Variants in ZFAT observed in about 807,000 individuals in gnomAD.
ZFAT encodes the protein zinc finger and AT-hook domain containing.
A neutral mutation model predicts 117.7 loss-of-function variants in ZFAT; 64 were observed. The ratio of observed to expected loss-of-function variants is 0.54; its 90% CI spans 0.44 to 0.67. The LOEUF (loss-of-function observed/expected upper bound fraction) is 0.67, where lower values mean the gene tolerates loss of function less well. Ranked by LOEUF, ZFAT falls within the 30% of genes least tolerant of loss-of-function variation. The pLI is 0.00. For missense variants in ZFAT, 1,433 were observed against 1,584.5 expected, an observed-to-expected ratio of 0.90 and a Z score of 1.62; for synonymous variants, 679 against 615.0, an observed-to-expected ratio of 1.10 and a Z score of -1.54.
At chr8:134,674,214 C>T (rs946262694) in intron 1 of ZFAT, among the ~76,000 whole-genome samples, 6 of 152,134 alleles carry the variant, frequency 3.9e-5, no homozygotes, top group African/African-American at 9.7e-5. Flanking sequence ...GAGGCTGTAC[C>T]GGGAGGAATG....
chr8:134,593,198 A>T (rs1826659416), intron 7 of ZFAT, among the ~76,000 whole-genome samples: 1 of 152,158 alleles, frequency 6.6e-6, no homozygotes, highest in African/African-American at 2.4e-5. Flanking sequence ...GCAGGAGTTT[A>T]CGGTGATCTC....
rs755355100 is a variant in ZFAT, at chr8:134,657,745, GA to G, written c.20-9del. The stretch of plus-strand genomic sequence containing the variant: ...TAAAGATGGCCGTGTTTTCTGTAAG[GA>G]AAAAAAAGGAAAATATGTTATTTCA... On this transcript the variant is annotated splice_polypyrimidine_tract_variant and intron_variant, in intron 1 of 15. Coordinates refer to ENST00000377838, the MANE Select transcript of ZFAT (RefSeq NM_020863.4). 5.6e-6 allele frequency: 9 copies of G among 1,595,048 alleles called. No homozygotes were observed. Among genetic ancestry groups the G allele is most frequent in the Admixed American group, 3.6e-5 (2 of 55,310 alleles).
chr8:134,648,633 A>T (rs568492531), intron 2 of ZFAT, among the ~76,000 whole-genome samples: 2 of 152,286 alleles, frequency 1.3e-5, no homozygotes, highest in South Asian at 4.1e-4. Context: ...GCATACACCT[A>T]TAACAAGAGA....
At chr8:134,578,916 A>G (rs1027464519) in intron 10 of ZFAT, among the ~76,000 whole-genome samples, 10 of 152,220 alleles carry the variant, frequency 6.6e-5, no homozygotes, top group African/African-American at 2.4e-4. Context: ...TTGGCAGCCT[A>G]TGCCCAAGCA....
At chr8:134,599,702 A>C (rs1036819) in intron 7 of ZFAT, 53,138 of 439,292 alleles carry the variant, frequency 0.12, 3,972 homozygotes, top group East Asian at 0.38. Flanking sequence ...GTAGCATAAA[A>C]AGGCATTCAA....
At chr8:134,812,477 TC>T in the ZFAT span, among the ~76,000 whole-genome samples, 3 of 152,208 alleles carry the variant, frequency 2.0e-5, no homozygotes, top group African/African-American at 7.2e-5. Flanking sequence ...ATGCCTGTAA[TC>T]CCAGCACTTT....
At chr8:134,589,586 G>A (rs375101382) in intron 8 of ZFAT, among the ~76,000 whole-genome samples, 4 of 152,336 alleles carry the variant, frequency 2.6e-5, no homozygotes, top group African/African-American at 9.6e-5. Context: ...GACTCAGGGA[G>A]CCCATGGGAG....
At chr8:134,709,203 G>A (rs1813895762) in intron 1 of ZFAT, among the ~76,000 whole-genome samples, 1 of 152,226 alleles carries the variant, frequency 6.6e-6, no homozygotes, top group Non-Finnish European at 1.5e-5. Flanking sequence ...AGGGTGGCCT[G>A]AGCCTGGGAG....
chr8:134,495,623 A>T (rs1818379380), intron 15 of ZFAT, among the ~76,000 whole-genome samples: 1 of 152,180 alleles, frequency 6.6e-6, no homozygotes, highest in Admixed American at 6.5e-5. Flanking sequence ...CCAAGCAATA[A>T]GCTCTGCCAT....
At chr8:134,816,762 C>A in the ZFAT span, among the ~76,000 whole-genome samples, 2 of 152,074 alleles carry the variant, frequency 1.3e-5, no homozygotes, top group Non-Finnish European at 2.9e-5. Flanking sequence ...GTGGGTGGAT[C>A]AGGAGGTCAG....
chr8:134,525,733 C>A (rs1430707788), intron 12 of ZFAT, among the ~76,000 whole-genome samples: 1 of 152,218 alleles, frequency 6.6e-6, no homozygotes, highest in Non-Finnish European at 1.5e-5. Context: ...TTCCTGGCCC[C>A]AACCCTGGTG....
intron 1 of ZFAT, among the ~76,000 whole-genome samples, chr8:134,678,675 C>G (rs1178079082): frequency 1.3e-5 from 2 of 152,134 alleles, no homozygotes; most frequent in Non-Finnish European, 2.9e-5. Flanking sequence ...AAATCACTAC[C>G]TGATTTCAAA....
intron 1 of ZFAT, among the ~76,000 whole-genome samples, chr8:134,660,375 C>A (rs1231646377): frequency 6.6e-6 from 1 of 152,220 alleles, no homozygotes; most frequent in East Asian, 1.9e-4. Flanking sequence ...AAATAAAACT[C>A]ATTACAGCAA....
intron 1 of ZFAT, chr8:134,696,337 G>A (rs1415280933): frequency 1.0e-6 from 1 of 975,454 alleles, no homozygotes; most frequent in Non-Finnish European, 1.2e-6. Context: ...AGTTGCTATA[G>A]GCGACCAGGA....
chr8:134,647,157 A>G (rs1157477623), intron 2 of ZFAT, among the ~76,000 whole-genome samples: 1 of 152,214 alleles, frequency 6.6e-6, no homozygotes, highest in African/African-American at 2.4e-5. Context: ...CAGCACATTA[A>G]AAAAATTACA....
At chr8:134,557,009 ACAG>A (rs996322737) in intron 11 of ZFAT, among the ~76,000 whole-genome samples, 3 of 152,026 alleles carry the variant, frequency 2.0e-5, no homozygotes, top group African/African-American at 7.2e-5. Context: ...TTTACTGATT[ACAG>A]CAAAAAATAA....
At chr8:134,809,087 G>C in the ZFAT span, among the ~76,000 whole-genome samples, 1 of 152,174 alleles carries the variant, frequency 6.6e-6, no homozygotes, top group African/African-American at 2.4e-5. Context: ...AGACCTGTGA[G>C]GCAGAGAAAC....
the ZFAT span, among the ~76,000 whole-genome samples, chr8:134,813,742 A>G: frequency 6.6e-6 from 1 of 152,106 alleles, no homozygotes; most frequent in East Asian, 1.9e-4. Context: ...TTATACAACT[A>G]TAATATAGTC....
At chr8:134,790,303 G>T in the ZFAT span, among the ~76,000 whole-genome samples, 3 of 152,142 alleles carry the variant, frequency 2.0e-5, no homozygotes, top group African/African-American at 7.2e-5. Context: ...TAAAGTAATA[G>T]AATTCTGCTT....
Sources: allele counts gnomAD v4.1 joint callset (sites outside exome capture counted in the v4.1 genomes callset), GRCh38; gene constraint gnomAD v4.1.1; transcripts MANE v1.5; gene names NCBI Gene and HGNC (gene_info 2026-07-23, HGNC 2026-07-21).